Variants in OR2B2 observed in about 807,000 individuals in gnomAD.
The protein encoded by OR2B2 is olfactory receptor 2B2.
For synonymous variants in OR2B2, 137 were observed against 150.9 expected, an observed-to-expected ratio of 0.91 and a Z score of 0.67; for missense variants, 362 against 422.4, an observed-to-expected ratio of 0.86 and a Z score of 1.25.
In OR2B2 at chr6:27,912,099, G is replaced by T; in HGVS notation, c.221C>A (p.Thr74Asn). The T allele has an allele frequency of 1.2e-6, 2 of 1,614,196 alleles. No homozygotes were observed. Among genetic ancestry groups the T allele is most frequent in the Non-Finnish European group, 1.7e-6 (2 of 1,180,032 alleles). The change falls in exon 1 of 1, where the codon ACC (threonine) becomes AAC (asparagine). Residue 74 changes from threonine to asparagine, a missense_variant. Transcript: ENST00000303324. ...SNLSLLDLCY[T>N]TSTVPQMLVN... ...CAGCATTTGTGGAACTGTACTTGTGGTATAGCAAAGGTCCAGGAGTGAGAG... is the reference window on the plus strand; with the variant it reads ...CAGCATTTGTGGAACTGTACTTGTGTTATAGCAAAGGTCCAGGAGTGAGAG...
Position 27,911,564 on chromosome 6 carries a change from A to AT in OR2B2, c.755dup (p.Tyr252Ter). ...GSHLIVVSLF[Y>*]GTAISMYLQP... ...GCAGGTACATGGAGATAGCTGTACC[A>AT]TAAAAAAGTGACACCACAATTAGAT... Residue 252 changes from tyrosine to a stop codon, truncating the protein, a stop_gained and frameshift_variant, in exon 1 of 1, where the codon TAT (tyrosine) becomes TAAT (stop). Coordinates refer to ENST00000303324, the MANE Select transcript of OR2B2 (RefSeq NM_033057.2). LOFTEE classifies it low-confidence loss of function (END_TRUNC). 1 of 1,614,054 alleles carries AT rather than the reference A, an allele frequency of 6.2e-7. No individual in the cohort carries two copies. Among genetic ancestry groups the AT allele is most frequent in the East Asian group, 2.2e-5 (1 of 44,878 alleles).
In OR2B2 at chr6:27,912,347, G is replaced by A; in HGVS notation, c.-28C>T. 2.2e-6 allele frequency: 3 copies of A among 1,381,990 alleles called. No individual in the cohort carries two copies. Among genetic ancestry groups the A allele is most frequent in the Non-Finnish European group, 3.0e-6 (3 of 1,009,378 alleles). 85.6% of individuals were successfully genotyped at this position (1,381,990 alleles called of 1,614,324 possible). On this transcript the variant is annotated 5_prime_UTR_variant, in exon 1 of 1. Coordinates refer to ENST00000303324, the MANE Select transcript of OR2B2 (RefSeq NM_033057.2). ...TAAATGGTTCAACTCTTCGTTCTCT[G>A]AAATATAAGAAGTCAGGAAGTTAAC... is the stretch of plus-strand genomic sequence containing the variant.
Position 27,911,557 on chromosome 6 carries a change from C to A in OR2B2, c.763G>T (p.Ala255Ser), listed in dbSNP as rs1213005084. 1 of 1,613,960 alleles carries A rather than the reference C, an allele frequency of 6.2e-7. No individual in the cohort carries two copies. Among genetic ancestry groups the A allele is most frequent in the Non-Finnish European group, 8.5e-7 (1 of 1,179,966 alleles). Residue 255 changes from alanine to serine, a missense_variant, in exon 1 of 1, where the codon GCT becomes TCT. Physicochemically the swap from Ala to Ser is moderately conservative, Grantham distance 99. Coordinates refer to ENST00000303324, the MANE Select transcript of OR2B2 (RefSeq NM_033057.2). The part of the protein sequence containing the change: ...LIVVSLFYGT[A>S]ISMYLQPPSP... Reference sequence around the variant, plus strand: ...GGTGGTTGCAGGTACATGGAGATAGCTGTACCATAAAAAAGTGACACCACA... The same window carrying A: ...GGTGGTTGCAGGTACATGGAGATAGATGTACCATAAAAAAGTGACACCACA...
At position 27,911,506 on chromosome 6, in the gene OR2B2, T is replaced by C; in HGVS notation, c.814A>G (p.Lys272Glu). 6.2e-7 allele frequency: 1 copy of C among 1,614,180 alleles called. No homozygotes were observed. The change falls in exon 1 of 1, where the codon AAG (lysine) becomes GAG (glutamate). Residue 272 changes from lysine (K) to glutamate (E), a missense_variant. By Grantham distance (56) the Lys-to-Glu change is moderately conservative. Transcript: ENST00000303324. ...PPSPSSKDRG[K>E]MVSLFCGIIA... ...ATTCCACAGAAGAGAGAAACCATCT[T>C]TCCCCGGTCTTTGGAGCTGGGTGAA...
At position 27,912,260 on chromosome 6, in the gene OR2B2, T is replaced by C. The variant is rs144903141; in HGVS notation, c.60A>G (p.Gln20=). The change falls in exon 1 of 1, where the codon CAA becomes CAG. Residue 20 remains glutamine (Q), a synonymous_variant. Coordinates refer to ENST00000303324, the MANE Select transcript of OR2B2 (RefSeq NM_033057.2). ...CAAAGGGTGGAATCTCTAGCCATGG[T>C]TGATCTGAGAAAACTAACAGAATGA... is the stretch of plus-strand genomic sequence containing the variant. The part of the protein sequence containing the change: ...QEFILLVFSD[Q]PWLEIPPFVM... 67 of 1,613,766 alleles carry C rather than the reference T, an allele frequency of 4.2e-5. 2 individuals are homozygous for C. The African/African-American group carries it at 4.8e-4, about 12-fold the overall frequency.
At position 27,912,323 on chromosome 6, in the gene OR2B2, A is replaced by C. The variant is rs1762210668; in HGVS notation, c.-4T>G. The C allele has an allele frequency of 6.5e-7, 1 of 1,546,404 alleles. No homozygotes were observed. The highest frequency in any genetic ancestry group is 1.2e-5 in the South Asian group (1 of 83,380). The stretch of plus-strand genomic sequence containing the variant: ...CACTCTTATTTACCCAATTCATGTT[A>C]AATGGTTCAACTCTTCGTTCTCTGA... On this transcript the variant is annotated 5_prime_UTR_variant, in exon 1 of 1. Coordinates refer to ENST00000303324, the MANE Select transcript of OR2B2 (RefSeq NM_033057.2).
In OR2B2 at chr6:27,911,885, T is replaced by C. The variant is rs953201544; in HGVS notation, c.435A>G (p.Ala145=). ...IMHQRLCFQL[A]AASWISGFSN... is the part of the protein sequence containing the mutation. ...TAAAGCCACTAATCCAGGATGCAGC[T>C]GCCAACTGGAAGCAGAGCCTCTGGT... The change falls in exon 1 of 1, where the codon GCA becomes GCG. Residue 145 remains alanine (A), a synonymous_variant. Coordinates refer to ENST00000303324, the MANE Select transcript of OR2B2 (RefSeq NM_033057.2). 1 of 1,614,026 alleles carries C rather than the reference T, an allele frequency of 6.2e-7. No homozygotes were observed. Among genetic ancestry groups the C allele is most frequent in the Non-Finnish European group, 8.5e-7 (1 of 1,180,020 alleles).
Position 27,912,350 on chromosome 6 carries a change from A to G in OR2B2, c.-31T>C. 7.3e-7 allele frequency: 1 copy of G among 1,375,416 alleles called. No individual in the cohort carries two copies. Among genetic ancestry groups the G allele is most frequent in the Non-Finnish European group, 1.0e-6 (1 of 1,003,350 alleles). 85.2% of individuals were successfully genotyped at this position (1,375,416 alleles called of 1,614,324 possible). ...ATGGTTCAACTCTTCGTTCTCTGAAATATAAGAAGTCAGGAAGTTAACAAC... is the reference window on the plus strand; with the variant it reads ...ATGGTTCAACTCTTCGTTCTCTGAAGTATAAGAAGTCAGGAAGTTAACAAC... On this transcript the variant is annotated 5_prime_UTR_variant, in exon 1 of 1. Transcript: ENST00000303324.
Position 27,911,979 on chromosome 6 carries a change from A to G in OR2B2, c.341T>C (p.Leu114Pro). The part of the protein sequence containing the change: ...FLALGSTECL[L>P]LAVMCFDRFV... The stretch of plus-strand genomic sequence containing the variant: ...CCTATCAAAGCACATGACGGCCAGG[A>G]GAAGACATTCTGTGGAACCCAAGGC... Residue 114 changes from leucine (L) to proline (P), a missense_variant, in exon 1 of 1, where the codon CTC becomes CCC. Leu to Pro is a moderately conservative substitution (Grantham distance 98). Transcript: ENST00000303324. 6.2e-7 allele frequency: 1 copy of G among 1,614,232 alleles called. No homozygotes were observed. Among genetic ancestry groups the G allele is most frequent in the Non-Finnish European group, 8.5e-7 (1 of 1,180,040 alleles).
rs1270176793 is a variant in OR2B2 at position 27,912,067 on chromosome 6, T to C, written c.253A>G (p.Ile85Val). ...TSTVPQMLVN[I>V]CNTRKVISYG... ...CTGATTACTTTCCTGGTGTTGCATA[T>C]GTTTACCAGCATTTGTGGAACTGTA... The change falls in exon 1 of 1, where the codon ATA (isoleucine) becomes GTA (valine). Residue 85 changes from isoleucine to valine, a missense_variant. Transcript: ENST00000303324. 2 of 1,614,198 alleles carry C rather than the reference T, an allele frequency of 1.2e-6. No homozygotes were observed. The highest frequency in any genetic ancestry group is 1.1e-5 in the South Asian group (1 of 91,084).
chr6:27,912,090 G>A lies in OR2B2; in HGVS notation c.230C>T (p.Thr77Ile), dbSNP rs559934915. The change falls in exon 1 of 1, where the codon ACA (threonine) becomes ATA (isoleucine). Residue 77 changes from threonine (T) to isoleucine (I), a missense_variant. Coordinates refer to ENST00000303324, the MANE Select transcript of OR2B2 (RefSeq NM_033057.2). ...TATGTTTACCAGCATTTGTGGAACT[G>A]TACTTGTGGTATAGCAAAGGTCCAG... Reference protein sequence around the residue: ...SLLDLCYTTSTVPQMLVNICN... With the variant: ...SLLDLCYTTSIVPQMLVNICN... The A allele has an allele frequency of 6.2e-7, 1 of 1,614,204 alleles. No homozygotes were observed. Among genetic ancestry groups the A allele is most frequent in the Non-Finnish European group, 8.5e-7 (1 of 1,180,026 alleles).
rs199535361 is a variant in OR2B2, at chr6:27,911,411, C to A, written c.909G>T (p.Arg303Ser). The A allele has an allele frequency of 2.5e-6, 4 of 1,613,936 alleles. No individual in the cohort carries two copies. Among genetic ancestry groups the A allele is most frequent in the African/African-American group, 1.3e-5 (1 of 74,902 alleles). The change falls in exon 1 of 1, where the codon AGG becomes AGT. Residue 303 changes from arginine (R) to serine (S), a missense_variant. Arg to Ser is a moderately radical substitution (Grantham distance 110). Transcript: ENST00000303324. ...GATTAAGAAGACTCTTTGCAACCAA[C>A]CTTTTAAAGGCTTCCTTTACCTCTT... is the stretch of plus-strand genomic sequence containing the variant. ...RNKEVKEAFKRLVAKSLLNQE... is the reference protein window; with the variant it reads ...RNKEVKEAFKSLVAKSLLNQE...
Position 27,911,768 on chromosome 6 carries a change from C to T in OR2B2, c.552G>A (p.Leu184=). ...TTGTGTCAACACAGGACAACTTGAG[C>T]AGAGCAGGGACTTCACAGAAGAAGT... ...VDHFFCEVPA[L]LKLSCVDTTA... is the part of the protein sequence containing the mutation. The change falls in exon 1 of 1, where the codon CTG becomes CTA. Residue 184 remains leucine, a synonymous_variant. Coordinates refer to ENST00000303324, the MANE Select transcript of OR2B2 (RefSeq NM_033057.2). 1 of 1,613,536 alleles carries T rather than the reference C, an allele frequency of 6.2e-7. No homozygotes were observed. Among genetic ancestry groups the T allele is most frequent in the Non-Finnish European group, 8.5e-7 (1 of 1,179,714 alleles).
At position 27,911,343 on chromosome 6, in the gene OR2B2, G is replaced by T; in HGVS notation, c.977C>A (p.Thr326Lys). 1.2e-6 allele frequency: 2 copies of T among 1,613,860 alleles called. No homozygotes were observed. Among genetic ancestry groups the T allele is most frequent in the Non-Finnish European group, 1.7e-6 (2 of 1,179,848 alleles). Residue 326 changes from threonine (T) to lysine (K), a missense_variant, in exon 1 of 1, where the codon ACA becomes AAA. Thr to Lys is a moderately conservative substitution (Grantham distance 78, BLOSUM62 -1). Transcript: ENST00000303324. ...NMQMISFAKD[T>K]VLTYLTNFSA... ...GAAGTTAGTAAGGTAAGTAAGCACT[G>T]TGTCTTTAGCAAAGCTTATCATTTG... is the stretch of plus-strand genomic sequence containing the variant.
At position 27,912,224 on chromosome 6, in the gene OR2B2, CAG is replaced by C; in HGVS notation, c.94_95del (p.Leu32ValfsTer32). On this transcript the variant is annotated frameshift_variant, in exon 1 of 1. Coordinates refer to ENST00000303324, the MANE Select transcript of OR2B2 (RefSeq NM_033057.2). LOFTEE classifies it low-confidence loss of function (END_TRUNC). ...CAAAGATTGTCAAGATATAGGAAAA[CAG>C]AAACATCACAAAGGGTGGAATCTCT... ...WLEIPPFVMF[L>X]FSYILTIFGN... 6.2e-7 allele frequency: 1 copy of C among 1,614,148 alleles called. No individual in the cohort carries two copies. Among genetic ancestry groups the C allele is most frequent in the Non-Finnish European group, 8.5e-7 (1 of 1,180,036 alleles).
In OR2B2 at chr6:27,911,492, G is replaced by C; in HGVS notation, c.828C>G (p.Leu276=). The change falls in exon 1 of 1, where the codon CTC becomes CTG. Residue 276 remains leucine (L), a synonymous_variant. Coordinates refer to ENST00000303324, the MANE Select transcript of OR2B2 (RefSeq NM_033057.2). ...GCATGGGTGCAATGATTCCACAGAA[G>C]AGAGAAACCATCTTTCCCCGGTCTT... ...SSKDRGKMVS[L]FCGIIAPMLN... 1 of 1,614,152 alleles carries C rather than the reference G, an allele frequency of 6.2e-7. No homozygotes were observed. Among genetic ancestry groups the C allele is most frequent in the Non-Finnish European group, 8.5e-7 (1 of 1,180,024 alleles).
rs145985903 is a variant in OR2B2, at chr6:27,911,421, G to T, written c.899C>A (p.Ala300Asp). Residue 300 changes from alanine (A) to aspartate (D), a missense_variant, in exon 1 of 1, where the codon GCC becomes GAC. By Grantham distance (126) the Ala-to-Asp change is moderately radical. Transcript: ENST00000303324. ...ACTCTTTGCAACCAACCTTTTAAAGGCTTCCTTTACCTCTTTGTTCCTAAG... is the reference window on the plus strand; with the variant it reads ...ACTCTTTGCAACCAACCTTTTAAAGTCTTCCTTTACCTCTTTGTTCCTAAG... ...YTLRNKEVKE[A>D]FKRLVAKSLL... 2 of 1,613,956 alleles carry T rather than the reference G, an allele frequency of 1.2e-6. No homozygotes were observed. Among genetic ancestry groups the T allele is most frequent in the Non-Finnish European group, 1.7e-6 (2 of 1,179,970 alleles).
At position 27,911,689 on chromosome 6, in the gene OR2B2, C is replaced by T. The variant is rs930939827; in HGVS notation, c.631G>A (p.Val211Met). 25 of 1,613,732 alleles carry T rather than the reference C, an allele frequency of 1.5e-5. No homozygotes were observed. The highest frequency in any genetic ancestry group is 4.0e-5 in the African/African-American group (3 of 74,898). Residue 211 changes from valine (V) to methionine (M), a missense_variant, in exon 1 of 1, where the codon GTG becomes ATG. Transcript: ENST00000303324. ...FISVLFLLIP[V>M]TLILISYAFI... is the part of the protein sequence containing the mutation. Reference sequence around the variant, plus strand: ...GCATACGATATAAGGATGAGTGTCACGGGTATTAGAAGGAATAGCACACTG... The same window carrying T: ...GCATACGATATAAGGATGAGTGTCATGGGTATTAGAAGGAATAGCACACTG...
chr6:27,911,781 T>C lies in OR2B2; in HGVS notation c.539A>G (p.Glu180Gly). 6.2e-7 allele frequency: 1 copy of C among 1,614,042 alleles called. No homozygotes were observed. Among genetic ancestry groups the C allele is most frequent in the South Asian group, 1.1e-5 (1 of 91,030 alleles). The part of the protein sequence containing the change: ...GHKEVDHFFC[E>G]VPALLKLSCV... ...GGACAACTTGAGCAGAGCAGGGACTTCACAGAAGAAGTGATCCACTTCTTT... is the reference window on the plus strand; with the variant it reads ...GGACAACTTGAGCAGAGCAGGGACTCCACAGAAGAAGTGATCCACTTCTTT... Residue 180 changes from glutamate to glycine, a missense_variant, in exon 1 of 1, where the codon GAA becomes GGA. Coordinates refer to ENST00000303324, the MANE Select transcript of OR2B2 (RefSeq NM_033057.2).
Sources: gnomAD v4.1 joint callset for allele counts on GRCh38, gnomAD v4.1.1 for gene constraint, MANE v1.5 for transcripts, NCBI Gene and HGNC (gene_info 2026-07-23, HGNC 2026-07-21) for gene names.